TAOK1: variants seen among roughly 807,000 people sequenced by gnomAD.
TAOK1 encodes the protein serine/threonine-protein kinase TAO1.
TAOK1 carries 21 observed loss-of-function variants against 138.3 expected under a neutral mutation model. The observed-to-expected ratio is 0.15, with a 90% confidence interval of 0.11 to 0.22. TAOK1 has a LOEUF of 0.22. Ranked by LOEUF, TAOK1 falls within the 10% of genes least tolerant of loss-of-function variation. TAOK1 has a pLI of 1.00. For synonymous variants in TAOK1, 361 were observed against 398.4 expected, an observed-to-expected ratio of 0.91 and a Z score of 1.12; for missense variants, 651 against 1,227.7, an observed-to-expected ratio of 0.53 and a Z score of 7.02.
chr17:29,443,788 C>G (rs1332678282), intron 1 of TAOK1, among the ~76,000 whole-genome samples: 1 of 152,054 alleles, frequency 6.6e-6, no homozygotes, highest in Admixed American at 6.6e-5. Context: ...TTCATAGTAC[C>G]TTTAAAAAAC....
chr17:29,477,982 T>G (rs2030982456), intron 5 of TAOK1, among the ~76,000 whole-genome samples: 1 of 152,126 alleles, frequency 6.6e-6, no homozygotes, highest in African/African-American at 2.4e-5. Context: ...CAAAGATAAG[T>G]GAGAATAAAG....
chr17:29,533,241 T>G, intron 18 of TAOK1, among the ~76,000 whole-genome samples: 1 of 119,714 alleles, frequency 8.4e-6, no homozygotes, highest in Non-Finnish European at 1.7e-5. Context: ...TCTCAGACGA[T>G]GGGCGGCCGG....
At chr17:29,501,989 G>C (rs894189031) in intron 12 of TAOK1, among the ~76,000 whole-genome samples, 3 of 152,122 alleles carry the variant, frequency 2.0e-5, no homozygotes, top group African/African-American at 7.2e-5. Context: ...GTGAGCCATT[G>C]AGTGTTTACC....
At position 29,549,917 on chromosome 17, in the gene TAOK1, T is replaced by G. The variant is rs1201919126; in HGVS notation, c.*6895T>G. ...ACATTAAATGGGAATTGTGCCTACT[T>G]AGGAGTGCCCCTCCAATTAATTACA... On this transcript the variant is annotated 3_prime_UTR_variant, in exon 20 of 20. Coordinates refer to ENST00000261716, the MANE Select transcript of TAOK1 (RefSeq NM_020791.4). 1 of 152,102 alleles carries G rather than the reference T, an allele frequency of 6.6e-6. No individual in the cohort carries two copies. The highest frequency in any genetic ancestry group is 2.4e-5 in the African/African-American group (1 of 41,418). The allele number at this position is 152,102 out of a possible 1,614,324, so 9.4% of individuals were successfully genotyped here.
intron 13 of TAOK1, among the ~76,000 whole-genome samples, chr17:29,503,701 G>T (rs1598511300): frequency 6.6e-6 from 1 of 152,216 alleles, no homozygotes; most frequent in East Asian, 1.9e-4. Flanking sequence ...AAGGCTGGGT[G>T]TGGTAGCTCA....
intron 1 of TAOK1, among the ~76,000 whole-genome samples, chr17:29,402,330 T>C (rs886962115): frequency 4.6e-5 from 7 of 152,182 alleles, no homozygotes; most frequent in African/African-American, 1.7e-4. Flanking sequence ...TAAGACGGTC[T>C]CAGTCCCCTT....
chr17:29,450,136 G>A lies in TAOK1; in HGVS notation c.-94-1319G>A, dbSNP rs147665237. On this transcript the variant is annotated intron_variant, in intron 1 of 19. Coordinates refer to ENST00000261716, the MANE Select transcript of TAOK1 (RefSeq NM_020791.4). ...GGGTCTCTCTCTCTTGCCCAGGCTG[G>A]AATGCCATGGGGTGATCATCACTCA... Among the ~76,000 whole-genome samples, 662 of 151,506 alleles carry A rather than the reference G, an allele frequency of 4.4e-3. 5 individuals carry two copies. Among genetic ancestry groups the A allele is most frequent in the Non-Finnish European group, 3.2e-3 (214 of 67,880 alleles).
chr17:29,532,131 A>AT (rs2032125642), intron 18 of TAOK1, among the ~76,000 whole-genome samples: 1 of 152,082 alleles, frequency 6.6e-6, no homozygotes, highest in African/African-American at 2.4e-5. Context: ...AAGTGCTGGG[A>AT]TTACAGGCGT....
chr17:29,489,591 A>C (rs1446692437), intron 8 of TAOK1, 73 bp from the exon 9 acceptor site: 1 of 971,594 alleles, frequency 1.0e-6, no homozygotes, highest in Non-Finnish European at 1.5e-6. Context: ...TAAAAAAAAA[A>C]AAGGAAAAAC....
intron 8 of TAOK1, among the ~76,000 whole-genome samples, chr17:29,487,545 G>T (rs1241667046): frequency 1.3e-5 from 2 of 152,090 alleles, no homozygotes; most frequent in South Asian, 2.1e-4. Flanking sequence ...TTGGAGAAAT[G>T]ATTGATCCAG....
chr17:29,468,910 A>G (rs2030746469), intron 3 of TAOK1, among the ~76,000 whole-genome samples: 1 of 152,222 alleles, frequency 6.6e-6, no homozygotes. Flanking sequence ...TTTAATCAAC[A>G]TGAATGTATA....
At chr17:29,528,839 C>CAAAAAAAAAAAAAAAA (rs58073512) in intron 17 of TAOK1, among the ~76,000 whole-genome samples, 1 of 69,404 alleles carries the variant, frequency 1.4e-5, no homozygotes, top group African/African-American at 5.8e-5. Flanking sequence ...GACTCCGTCT[C>CAAAAAAAAAAAAAAAA]AAAAAAAAAA....
intron 2 of TAOK1, among the ~76,000 whole-genome samples, chr17:29,462,094 C>G (rs916556849): frequency 1.3e-5 from 2 of 152,198 alleles, no homozygotes; most frequent in Non-Finnish European, 2.9e-5. Context: ...TGTTTATAGA[C>G]TATCTAAAGG....
chr17:29,522,615 A>G, intron 17 of TAOK1, 96 bp downstream of exon 17: 2 of 1,493,426 alleles, frequency 1.3e-6, no homozygotes, highest in Non-Finnish European at 1.8e-6. Flanking sequence ...GTCATAAAGA[A>G]ATTGACTAAG....
At chr17:29,393,136 A>G (rs1441213236) in intron 1 of TAOK1, among the ~76,000 whole-genome samples, 1 of 152,132 alleles carries the variant, frequency 6.6e-6, no homozygotes, top group Non-Finnish European at 1.5e-5. Flanking sequence ...TTTCTCCATT[A>G]TGGCAAATTA....
chr17:29,533,840 AGGGG>A, intron 18 of TAOK1, among the ~76,000 whole-genome samples: 1 of 77,926 alleles, frequency 1.3e-5, no homozygotes, highest in Non-Finnish European at 2.6e-5. Context: ...GGGGAGAGGG[AGGGG>A]GAGGGGGAGA....
At chr17:29,395,646 CTTTTT>C (rs10591199) in intron 1 of TAOK1, among the ~76,000 whole-genome samples, 1 of 129,762 alleles carries the variant, frequency 7.7e-6, no homozygotes. Flanking sequence ...GGTATGTGTA[CTTTTT>C]TTTTTTTTTT....
rs1342520794 is a variant in TAOK1, at chr17:29,522,148, T to G, written c.1909-132T>G. ...TAAAGAGGTAAAAGTCACAACCCTC[T>G]TATTTACTATGCAACTATAATTGAA... On this transcript the variant is annotated intron_variant, in intron 16 of 19. Transcript: ENST00000261716. 3 of 1,210,276 alleles carry G rather than the reference T, an allele frequency of 2.5e-6. No homozygotes were observed. The African/African-American group carries it at 4.6e-5, about 18-fold the overall frequency. 75.0% of individuals were successfully genotyped at this position (1,210,276 alleles called of 1,614,324 possible).
chr17:29,473,732 T>G (rs1255924098), intron 3 of TAOK1, among the ~76,000 whole-genome samples: 1 of 152,118 alleles, frequency 6.6e-6, no homozygotes, highest in Non-Finnish European at 1.5e-5. Flanking sequence ...TTCTTTCTTT[T>G]TCTTTTTTTT....
Sources: gnomAD v4.1 joint callset for allele counts (sites outside exome capture counted in the v4.1 genomes callset) on GRCh38, gnomAD v4.1.1 for gene constraint, MANE v1.5 for transcripts, NCBI Gene and HGNC (gene_info 2026-07-23, HGNC 2026-07-21) for gene names.